The following XIRP2 variants were observed in gnomAD, a reference collection of about 807,000 sequenced individuals.
XIRP2 encodes the protein xin actin-binding repeat-containing protein 2.
A neutral mutation model predicts 277.0 loss-of-function variants in XIRP2; 236 were observed. That is an observed-to-expected ratio of 0.85 (90% CI 0.77 to 0.95). The LOEUF is 0.95. XIRP2 is among the 40% of genes least tolerant of loss of function. The probability of loss-of-function intolerance (pLI) is 0.00; values close to 1 mark genes in which losing one functional copy is unlikely to be tolerated. For missense variants in XIRP2, 4,640 were observed against 4,157.5 expected, an observed-to-expected ratio of 1.12 and a Z score of -3.19; for synonymous variants, 1,490 against 1,416.5, an observed-to-expected ratio of 1.05 and a Z score of -1.17.
intron 3 of XIRP2, among the ~76,000 whole-genome samples, chr2:167,170,894 C>CTTTTTTTTTTTTTTTTT (rs773187641): frequency 3.2e-5 from 3 of 92,698 alleles, no homozygotes; most frequent in South Asian, 3.9e-4. Flanking sequence ...TGCCTTTCTT[C>CTTTTTTTTTTTTTTTTT]TTTTTTTTTT....
intron 2 of XIRP2, among the ~76,000 whole-genome samples, chr2:167,134,334 T>C (rs1691475743): frequency 6.6e-6 from 1 of 151,684 alleles, no homozygotes; most frequent in Non-Finnish European, 1.5e-5. Flanking sequence ...CATATATACT[T>C]GTTATGTACA....
intron 2 of XIRP2, among the ~76,000 whole-genome samples, chr2:166,925,365 G>T (rs1280988134): frequency 1.3e-5 from 2 of 151,686 alleles, no homozygotes; most frequent in African/African-American, 4.8e-5. Flanking sequence ...TATTTCTAGT[G>T]CTAGGTATGT....
At chr2:166,937,126 T>C (rs376378406) in intron 2 of XIRP2, among the ~76,000 whole-genome samples, 1 of 152,202 alleles carries the variant, frequency 6.6e-6, no homozygotes. Context: ...CTTCCAACTA[T>C]GCTGAATAGG....
intron 3 of XIRP2, among the ~76,000 whole-genome samples, chr2:167,178,744 T>G (rs1692925579): frequency 6.6e-6 from 1 of 152,138 alleles, no homozygotes; most frequent in South Asian, 2.1e-4. Flanking sequence ...AAATTAAACT[T>G]TTTGCTTTTT....
intron 3 of XIRP2, among the ~76,000 whole-genome samples, chr2:167,143,278 G>A (rs1317362285): frequency 6.6e-6 from 1 of 152,110 alleles, no homozygotes; most frequent in Non-Finnish European, 1.5e-5. Flanking sequence ...TCAACACTAG[G>A]AGATGAACAG....
At chr2:166,975,151 G>A (rs1686677549) in intron 2 of XIRP2, among the ~76,000 whole-genome samples, 1 of 152,074 alleles carries the variant, frequency 6.6e-6, no homozygotes, top group African/African-American at 2.4e-5. Flanking sequence ...TAAAATACAT[G>A]AAGTAGAGAC....
chr2:167,077,555 A>G (rs918467574), intron 2 of XIRP2, among the ~76,000 whole-genome samples: 1 of 152,238 alleles, frequency 6.6e-6, no homozygotes, highest in African/African-American at 2.4e-5. Flanking sequence ...TAGGAACTGC[A>G]GAGATGGGTG....
chr2:167,132,511 T>TACACACACACACACACAC (rs35636231), intron 2 of XIRP2, among the ~76,000 whole-genome samples: 78 of 146,330 alleles, frequency 5.3e-4, no homozygotes, highest in Non-Finnish European at 8.8e-4. Context: ...TGCATGTGTA[T>TACACACACACACACACAC]ACACACACAC....
rs1183728717 is a variant in XIRP2, at chr2:167,160,072, C to CA, written c.562+24018dup. The stretch of plus-strand genomic sequence containing the variant: ...AGTATTTCTTATTCATATATATAGG[C>CA]AAAAAAAATAAGATATTGAAAATGC... On this transcript the variant is annotated intron_variant, in intron 3 of 10. Coordinates refer to ENST00000409195, the MANE Select transcript of XIRP2 (RefSeq NM_152381.6). 1.1e-4 allele frequency among the ~76,000 whole-genome samples: 17 copies of CA among 150,894 alleles called. No homozygotes were observed. The East Asian group carries it at 1.7e-3, about 15-fold the overall frequency.
intron 2 of XIRP2, among the ~76,000 whole-genome samples, chr2:167,112,569 GATAT>G (rs1161614195): frequency 1.4e-5 from 2 of 140,032 alleles, no homozygotes; most frequent in East Asian, 4.1e-4. Flanking sequence ...TTTATATAGA[GATAT>G]ATTTATATAT....
chr2:167,154,171 A>C (rs981306056), intron 3 of XIRP2, among the ~76,000 whole-genome samples: 2 of 149,068 alleles, frequency 1.3e-5, no homozygotes, highest in Non-Finnish European at 3.0e-5. Context: ...GATGGTGAGC[A>C]TTTTTTCATG....
At chr2:167,169,658 T>A (rs907386362) in intron 3 of XIRP2, among the ~76,000 whole-genome samples, 4 of 152,218 alleles carry the variant, frequency 2.6e-5, no homozygotes, top group African/African-American at 9.6e-5. Flanking sequence ...AAACTGGAAG[T>A]CTCCTTTTAA....
intron 2 of XIRP2, among the ~76,000 whole-genome samples, chr2:166,944,870 A>G (rs1685810882): frequency 1.3e-5 from 2 of 152,198 alleles, no homozygotes; most frequent in South Asian, 4.1e-4. Flanking sequence ...TTGATTGCAG[A>G]TTGGCTATAG....
At chr2:167,032,906 A>ACCAGTAATACCATTTGAC (rs2105507636) in intron 2 of XIRP2, among the ~76,000 whole-genome samples, 1 of 152,296 alleles carries the variant, frequency 6.6e-6, no homozygotes. Flanking sequence ...AGGATCTAGA[A>ACCAGTAATACCATTTGAC]CCAGTAATAC....
chr2:167,187,990 T>C (rs1181464156), intron 3 of XIRP2, among the ~76,000 whole-genome samples: 3 of 152,196 alleles, frequency 2.0e-5, no homozygotes, highest in Non-Finnish European at 4.4e-5. Context: ...AAAATTATTC[T>C]TTTTCAGCCT....
chr2:167,080,867 G>A (rs989436647), intron 2 of XIRP2, among the ~76,000 whole-genome samples: 1 of 151,996 alleles, frequency 6.6e-6, no homozygotes, highest in Non-Finnish European at 1.5e-5. Flanking sequence ...CATGTTTAAG[G>A]TTGCATTGAG....
chr2:166,979,928 G>A (rs745985897), intron 2 of XIRP2, among the ~76,000 whole-genome samples: 24 of 152,070 alleles, frequency 1.6e-4, no homozygotes, highest in Admixed American at 3.3e-4. Context: ...ATCTCTGGAA[G>A]AGTTGGTTTG....
chr2:167,212,114 A>G (rs977017364), intron 4 of XIRP2, among the ~76,000 whole-genome samples: 2 of 152,222 alleles, frequency 1.3e-5, no homozygotes, highest in Non-Finnish European at 2.9e-5. Context: ...TTAGGTTTTC[A>G]CATAGTCATT....
In XIRP2 at chr2:167,241,827, T is replaced by C. The variant is rs756248784; in HGVS notation, c.1093T>C (p.Leu365=). Residue 365 remains leucine, a synonymous_variant, in exon 8 of 11, where the codon TTA becomes CTA. Coordinates refer to ENST00000409195, the MANE Select transcript of XIRP2 (RefSeq NM_152381.6). The stretch of plus-strand genomic sequence containing the variant: ...GATTCCAAAGGTTTCGACTAAGTTG[T>C]TAAAAGAGCAGTTTGAAAAGTCTGC... The part of the protein sequence containing the change: ...EEIPKVSTKL[L]KEQFEKSAQE... 6.2e-7 allele frequency: 1 copy of C among 1,613,702 alleles called. No individual in the cohort carries two copies. Among genetic ancestry groups the C allele is most frequent in the Non-Finnish European group, 8.5e-7 (1 of 1,179,782 alleles).
Sources: allele counts gnomAD v4.1 joint callset (sites outside exome capture counted in the v4.1 genomes callset), GRCh38; gene constraint gnomAD v4.1.1; transcripts MANE v1.5; gene names NCBI Gene and HGNC (gene_info 2026-07-23, HGNC 2026-07-21).